The following CIROZ variants were observed in gnomAD, a reference collection of about 807,000 sequenced individuals.
CIROZ encodes the protein ciliated left-right organizer protein containing ZP-N domains.
chr1:10,959,830 G>A, the CIROZ span, among the ~76,000 whole-genome samples: 5 of 152,344 alleles, frequency 3.3e-5, no homozygotes, highest in South Asian at 2.1e-4. The surrounding 1 kb of genome is among the most constrained non-coding windows in gnomAD (Gnocchi z 4.3). Context: ...CAGCAGGCTC[G>A]GGCTGCCCAC....
At chr1:10,949,004 C>G in the CIROZ span, 2 of 577,336 alleles carry the variant, frequency 3.5e-6, no homozygotes, top group African/African-American at 3.7e-5. Context: ...GCGGGTGGAT[C>G]ACTTGAGGCC....
chr1:10,948,660 G>T, the CIROZ span: 1 of 1,612,992 alleles, frequency 6.2e-7, no homozygotes, highest in South Asian at 1.1e-5. Flanking sequence ...CCAGGGACTA[G>T]CCTGGACACC....
the CIROZ span, among the ~76,000 whole-genome samples, chr1:10,958,292 G>A: frequency 9.9e-5 from 15 of 152,160 alleles, no homozygotes; most frequent in Non-Finnish European, 8.8e-5. Context: ...AAGAGGGACT[G>A]GATCCTTCGG....
the CIROZ span, chr1:10,958,589 C>T: frequency 8.8e-7 from 1 of 1,140,362 alleles, no homozygotes; most frequent in African/African-American, 1.5e-5. Context: ...AGAGTCTGTA[C>T]CATCCACGAC....
chr1:10,971,197 G>GA, the CIROZ span, among the ~76,000 whole-genome samples: 1 of 148,038 alleles, frequency 6.8e-6, no homozygotes, highest in Non-Finnish European at 1.5e-5. Context: ...CTCAGCCATG[G>GA]AATTCTGCAG....
chr1:10,966,259 G>T, the CIROZ span: 1 of 1,363,636 alleles, frequency 7.3e-7, no homozygotes, highest in East Asian at 2.5e-5. Context: ...TTCTGCAGAG[G>T]AATAATGGTG....
the CIROZ span, chr1:10,957,675 T>C: frequency 1.2e-6 from 2 of 1,614,190 alleles, no homozygotes; most frequent in Non-Finnish European, 1.7e-6. Context: ...GTGGCATTCA[T>C]GTCCACATAC....
the CIROZ span, among the ~76,000 whole-genome samples, chr1:10,959,207 G>A: frequency 6.6e-6 from 1 of 152,118 alleles, no homozygotes; most frequent in Non-Finnish European, 1.5e-5. This position sits in a 1 kb window ranked among gnomAD's most constrained non-coding sequence, Gnocchi z 4.3. Context: ...GTACACATGT[G>A]CCCCCCAATG....
chr1:10,975,460 A>T, the CIROZ span, among the ~76,000 whole-genome samples: 2 of 150,380 alleles, frequency 1.3e-5, no homozygotes, highest in Non-Finnish European at 3.0e-5. Flanking sequence ...GTGGTGGTGC[A>T]CACCTGTAGT....
the CIROZ span, chr1:10,949,277 TC>T: frequency 3.2e-6 from 1 of 308,694 alleles, no homozygotes; most frequent in Non-Finnish European, 6.0e-6. Context: ...GGGTCTCCAG[TC>T]CTCTGGTGTG....
the CIROZ span, among the ~76,000 whole-genome samples, chr1:10,977,054 G>T: frequency 3.9e-5 from 6 of 152,098 alleles, no homozygotes; most frequent in Non-Finnish European, 8.8e-5. Flanking sequence ...AGCTACTCAG[G>T]AGGCTGAGGT....
At chr1:10,974,848 G>A in the CIROZ span, among the ~76,000 whole-genome samples, 2 of 152,120 alleles carry the variant, frequency 1.3e-5, no homozygotes, top group East Asian at 3.8e-4. This position sits in a 1 kb window ranked among gnomAD's most constrained non-coding sequence, Gnocchi z 4.4. Context: ...GGGTCCTTCT[G>A]GTAAATTATC....
the CIROZ span, among the ~76,000 whole-genome samples, chr1:10,973,948 C>A: frequency 7.2e-6 from 1 of 138,960 alleles, no homozygotes; most frequent in South Asian, 2.1e-4. Context: ...TCGGGGACCC[C>A]AGGAAGGACC....
At chr1:10,954,044 T>C in the CIROZ span, 11 of 1,613,018 alleles carry the variant, frequency 6.8e-6, no homozygotes, top group Non-Finnish European at 9.3e-6. Context: ...AGCTCTCCAC[T>C]GTCCAGAGGA....
At chr1:10,970,005 A>G in the CIROZ span, 1 of 1,536,916 alleles carries the variant, frequency 6.5e-7, no homozygotes, top group African/African-American at 1.4e-5. Flanking sequence ...CCACCGCCTC[A>G]GCCCCTCCAC....
At chr1:10,963,418 A>C in the CIROZ span, among the ~76,000 whole-genome samples, 1 of 152,022 alleles carries the variant, frequency 6.6e-6, no homozygotes. Context: ...CAAACAAAAA[A>C]ACCCAGCTGA....
At chr1:10,953,193 C>T in the CIROZ span, among the ~76,000 whole-genome samples, 1 of 152,168 alleles carries the variant, frequency 6.6e-6, no homozygotes, top group African/African-American at 2.4e-5. Flanking sequence ...TTGTGCAACA[C>T]CGAAACATCA....
chr1:10,957,407 C>T, the CIROZ span, among the ~76,000 whole-genome samples: 1 of 152,372 alleles, frequency 6.6e-6, no homozygotes, highest in Non-Finnish European at 1.5e-5. Context: ...GATCAGGACG[C>T]ACTGAATGCA....
chr1:10,962,857 C>T, the CIROZ span, among the ~76,000 whole-genome samples: 173 of 152,340 alleles, frequency 1.1e-3, no homozygotes, highest in African/African-American at 3.1e-3. Context: ...TAGTGGCCCA[C>T]GCCTATAATC....
Sources: gnomAD v4.1 joint callset for allele counts (sites outside exome capture counted in the v4.1 genomes callset) on GRCh38, gnomAD v4.1.1 for gene constraint, Gnocchi (gnomAD v3.1) non-coding constraint, MANE v1.5 for transcripts, NCBI Gene and HGNC (gene_info 2026-07-23, HGNC 2026-07-21) for gene names.